SND1: variants seen among roughly 807,000 people sequenced by gnomAD.
SND1 encodes staphylococcal nuclease and tudor domain containing 1, also known as staphylococcal nuclease domain-containing protein 1.
A neutral mutation model predicts 121.7 loss-of-function variants in SND1; 38 were observed. The observed-to-expected ratio is 0.31, with a 90% CI of 0.24 to 0.41. SND1 has a LOEUF of 0.41. Among genes scored for constraint, SND1 ranks in the 10% least tolerant of loss-of-function variants. The pLI is 1.00. For synonymous variants in SND1, 401 were observed against 447.4 expected, an observed-to-expected ratio of 0.90 and a Z score of 1.31; for missense variants, 868 against 1,184.6, an observed-to-expected ratio of 0.73 and a Z score of 3.92.
At chr7:127,718,841 G>A in intron 9 of SND1, 4 of 685,808 alleles carry the variant, frequency 5.8e-6, no homozygotes, top group Non-Finnish European at 7.2e-6. Flanking sequence ...TATTTCTCGT[G>A]TCTTGATTAT....
intron 10 of SND1, among the ~76,000 whole-genome samples, chr7:127,726,875 T>A (rs1796590723): frequency 6.6e-6 from 1 of 152,222 alleles, no homozygotes; most frequent in African/African-American, 2.4e-5. Context: ...CTCAGATTCC[T>A]TTTCTTAGCT....
At chr7:128,049,822 A>G (rs1793016353) in intron 16 of SND1, among the ~76,000 whole-genome samples, 1 of 152,218 alleles carries the variant, frequency 6.6e-6, no homozygotes, top group Non-Finnish European at 1.5e-5. Flanking sequence ...AGAGGATAGA[A>G]TGATGAGGTC....
intron 10 of SND1, among the ~76,000 whole-genome samples, chr7:127,738,567 G>A (rs906664808): frequency 6.6e-6 from 1 of 152,038 alleles, no homozygotes; most frequent in Non-Finnish European, 1.5e-5. Flanking sequence ...GTGTGGGCCA[G>A]TGCTTCCGGC....
intron 15 of SND1, among the ~76,000 whole-genome samples, chr7:127,964,940 G>T: frequency 1.0e-5 from 1 of 99,254 alleles, no homozygotes; most frequent in Non-Finnish European, 2.0e-5. Context: ...TTGAGCAGTG[G>T]TTTGTAGTTC....
chr7:127,961,898 T>C (rs573377618), intron 15 of SND1, among the ~76,000 whole-genome samples: 4 of 152,350 alleles, frequency 2.6e-5, no homozygotes, highest in African/African-American at 9.6e-5. Context: ...TGCCCTTTGT[T>C]GGCCGAAGCG....
chr7:128,089,172 A>C (rs905798849), intron 21 of SND1, among the ~76,000 whole-genome samples: 1 of 152,000 alleles, frequency 6.6e-6, no homozygotes, highest in African/African-American at 2.4e-5. Context: ...CTCGTGCCGC[A>C]GTTTCCCAAG....
intron 10 of SND1, among the ~76,000 whole-genome samples, chr7:127,784,842 A>G (rs1424094995): frequency 6.6e-6 from 1 of 152,234 alleles, no homozygotes; most frequent in African/African-American, 2.4e-5. Context: ...CATGGGTAGT[A>G]TGAGAGCAGA....
intron 16 of SND1, among the ~76,000 whole-genome samples, chr7:128,051,824 C>T (rs1220813375): frequency 1.3e-5 from 2 of 152,204 alleles, no homozygotes; most frequent in Non-Finnish European, 2.9e-5. Flanking sequence ...CATCCTTTGA[C>T]GGAGCTTCTC....
At chr7:127,709,599 A>G (rs1315478855) in intron 9 of SND1, among the ~76,000 whole-genome samples, 1 of 152,226 alleles carries the variant, frequency 6.6e-6, no homozygotes, top group Non-Finnish European at 1.5e-5. Context: ...GTAATTAGAA[A>G]AGGGAGACCT....
chr7:127,976,530 T>TC (rs1248591066), intron 15 of SND1, among the ~76,000 whole-genome samples: 1 of 152,252 alleles, frequency 6.6e-6, no homozygotes, highest in Non-Finnish European at 1.5e-5. Context: ...CTAAAAAGCT[T>TC]CCGTTGAGTG....
chr7:127,857,919 G>T, intron 12 of SND1: 1 of 1,379,106 alleles, frequency 7.3e-7, no homozygotes, highest in Non-Finnish European at 1.0e-6. Context: ...GCTTCCGGCA[G>T]TAAACACCAT....
chr7:127,801,908 C>T (rs941301689), intron 10 of SND1, among the ~76,000 whole-genome samples: 1 of 152,098 alleles, frequency 6.6e-6, no homozygotes, highest in Admixed American at 6.5e-5. Context: ...GTGGCGCGAT[C>T]TCAGCTCACT....
intron 2 of SND1, chr7:127,686,971 T>G: frequency 2.0e-6 from 1 of 492,606 alleles, no homozygotes; most frequent in South Asian, 3.5e-5. Flanking sequence ...CTTAGAGCTT[T>G]TTCTTGTACC....
At chr7:127,700,629 G>A (rs938169472) in intron 4 of SND1, among the ~76,000 whole-genome samples, 1 of 152,192 alleles carries the variant, frequency 6.6e-6, no homozygotes, top group Non-Finnish European at 1.5e-5. Flanking sequence ...GAAGGAGGAG[G>A]CTTCCATTTT....
intron 13 of SND1, among the ~76,000 whole-genome samples, chr7:127,898,941 G>A (rs1463429544): frequency 3.3e-5 from 5 of 152,122 alleles, no homozygotes; most frequent in Admixed American, 2.0e-4. Flanking sequence ...GTGTATCTGG[G>A]AAAGCCAACA....
At chr7:128,089,389 G>T in intron 21 of SND1, 100 bp from the exon 22 acceptor site, 2 of 1,176,380 alleles carry the variant, frequency 1.7e-6, no homozygotes, top group Middle Eastern at 3.0e-4. Flanking sequence ...AAAATTACAG[G>T]CCCCTGCTGG....
intron 1 of SND1, among the ~76,000 whole-genome samples, chr7:127,668,289 A>G (rs1476946861): frequency 6.6e-6 from 1 of 152,182 alleles, no homozygotes; most frequent in African/African-American, 2.4e-5. Context: ...ATTCAGAAAC[A>G]TATGTTCTCC....
chr7:127,784,658 T>C (rs1190366622), intron 10 of SND1, among the ~76,000 whole-genome samples: 1 of 152,224 alleles, frequency 6.6e-6, no homozygotes, highest in African/African-American at 2.4e-5. Context: ...GGGAAAAACT[T>C]CACTATAAGC....
At chr7:128,030,218 C>A in intron 16 of SND1, 1 of 1,614,212 alleles carries the variant, frequency 6.2e-7, no homozygotes, top group Non-Finnish European at 8.5e-7. Flanking sequence ...ATTCAAAGGC[C>A]CCGCTAGGGA....
Sources: allele counts gnomAD v4.1 joint callset (sites outside exome capture counted in the v4.1 genomes callset), GRCh38; gene constraint gnomAD v4.1.1; transcripts MANE v1.5; gene names NCBI Gene and HGNC (gene_info 2026-07-23, HGNC 2026-07-21).